Variants in DACH2 observed in about 807,000 individuals in gnomAD.
The protein encoded by DACH2 is dachshund homolog 2.
DACH2 carries 17 observed loss-of-function variants against 35.8 expected under a neutral mutation model. The ratio of observed to expected loss-of-function variants is 0.48; its 90% CI spans 0.33 to 0.71. The LOEUF is 0.71. DACH2 is among the 30% of genes least tolerant of loss of function. DACH2 has a pLI of 0.02. For missense variants in DACH2, 469 were observed against 472.7 expected, an observed-to-expected ratio of 0.99 and a Z score of 0.07; for synonymous variants, 195 against 177.3, an observed-to-expected ratio of 1.10 and a Z score of -0.79.
chrX:86,310,347 G>A (rs189675115), intron 1 of DACH2, among the ~76,000 whole-genome samples: 1 of 111,616 alleles, frequency 9.0e-6, no homozygotes. Flanking sequence ...AAATGCCCAT[G>A]GTCTTTTCAC....
chrX:86,423,444 G>A (rs1354565128), intron 2 of DACH2, among the ~76,000 whole-genome samples: 2 of 110,545 alleles, frequency 1.8e-5, no homozygotes, highest in African/African-American at 3.3e-5. Flanking sequence ...CTTTTCATAT[G>A]CCTGTTTGCC....
chrX:86,488,260 G>C (rs1317658571), intron 2 of DACH2, among the ~76,000 whole-genome samples: 1 of 111,478 alleles, frequency 9.0e-6, no homozygotes, highest in Non-Finnish European at 1.9e-5. Context: ...CAGTAAATGT[G>C]GGTTGCAATC....
intron 3 of DACH2, among the ~76,000 whole-genome samples, chrX:86,515,481 T>C (rs991322542): frequency 9.0e-6 from 1 of 110,612 alleles, no homozygotes; most frequent in African/African-American, 3.3e-5. Context: ...AGCAGTTAAG[T>C]TGAAGAGACT....
At chrX:86,695,860 A>AG (rs2041063310) in intron 5 of DACH2, among the ~76,000 whole-genome samples, 1 of 110,943 alleles carries the variant, frequency 9.0e-6, no homozygotes, top group Non-Finnish European at 1.9e-5. Flanking sequence ...GAAGTCACCT[A>AG]ACCTTTCCAA....
intron 1 of DACH2, among the ~76,000 whole-genome samples, chrX:86,293,275 G>T (rs1408708565): frequency 9.1e-6 from 1 of 109,645 alleles, no homozygotes; most frequent in African/African-American, 3.3e-5. Flanking sequence ...TTTTCCATTT[G>T]CTTGGTAGAT....
intron 1 of DACH2, among the ~76,000 whole-genome samples, chrX:86,235,163 T>C (rs1197319779): frequency 8.9e-6 from 1 of 111,926 alleles, no homozygotes; most frequent in Non-Finnish European, 1.9e-5. Context: ...GATGTTTTTC[T>C]GATGATAAGC....
intron 6 of DACH2, among the ~76,000 whole-genome samples, chrX:86,727,418 A>G (rs746620122): frequency 4.5e-5 from 5 of 112,069 alleles, no homozygotes; most frequent in Non-Finnish European, 9.4e-5. Context: ...AATTATTTTG[A>G]TATGTTTAAA....
chrX:86,824,865 C>G (rs1313907467), intron 11 of DACH2, among the ~76,000 whole-genome samples: 1 of 111,900 alleles, frequency 8.9e-6, no homozygotes, highest in African/African-American at 3.2e-5. Flanking sequence ...TTTCAACCTT[C>G]TATGGGAAAT....
At chrX:86,409,837 A>G (rs2036582490) in intron 2 of DACH2, among the ~76,000 whole-genome samples, 2 of 112,456 alleles carry the variant, frequency 1.8e-5, no homozygotes, top group Non-Finnish European at 3.8e-5. Flanking sequence ...AGCCCATTTC[A>G]AATTGTTAAA....
intron 2 of DACH2, among the ~76,000 whole-genome samples, chrX:86,507,101 T>C (rs920047671): frequency 3.6e-5 from 4 of 112,015 alleles, no homozygotes; most frequent in Non-Finnish European, 7.5e-5. Context: ...ATTGATTGAA[T>C]GTGTGTGCTT....
intron 7 of DACH2, among the ~76,000 whole-genome samples, chrX:86,778,791 A>G (rs1436479573): frequency 9.0e-6 from 1 of 110,615 alleles, no homozygotes; most frequent in Non-Finnish European, 1.9e-5. Context: ...TTGTTTTTTT[A>G]GTAGAGACGG....
intron 1 of DACH2, among the ~76,000 whole-genome samples, chrX:86,295,784 A>G (rs929945543): frequency 2.7e-5 from 3 of 110,988 alleles, no homozygotes; most frequent in Non-Finnish European, 5.7e-5. Context: ...GCTTCAAAAG[A>G]CAGAGGAGCC....
intron 1 of DACH2, among the ~76,000 whole-genome samples, chrX:86,284,849 T>C (rs943839460): frequency 9.0e-6 from 1 of 111,227 alleles, no homozygotes; most frequent in African/African-American, 3.3e-5. Context: ...GTTTTGAACT[T>C]CTTCATGATT....
chrX:86,530,425 G>A (rs987266782), intron 3 of DACH2, among the ~76,000 whole-genome samples: 8 of 111,287 alleles, frequency 7.2e-5, no homozygotes, highest in African/African-American at 2.3e-4. Context: ...TTTCTCCTTC[G>A]ATGTTCTCAT....
At chrX:86,513,797 G>A (rs1464279605) in intron 2 of DACH2, among the ~76,000 whole-genome samples, 1 of 111,869 alleles carries the variant, frequency 8.9e-6, no homozygotes, top group Non-Finnish European at 1.9e-5. Flanking sequence ...GCTCCCAGCA[G>A]CTGTGGAAAT....
chrX:86,648,523 A>T (rs192157739), intron 3 of DACH2, among the ~76,000 whole-genome samples: 290 of 111,374 alleles, frequency 2.6e-3, no homozygotes, highest in Middle Eastern at 0.023. Context: ...TGAAAAATTC[A>T]TATGAACCAA....
intron 2 of DACH2, among the ~76,000 whole-genome samples, chrX:86,501,875 G>A (rs900327769): frequency 1.8e-5 from 2 of 111,342 alleles, no homozygotes; most frequent in Admixed American, 9.6e-5. Context: ...CAGTTAGAGC[G>A]GGGTTAATGA....
chrX:86,169,835 A>G (rs2031064155), intron 1 of DACH2, among the ~76,000 whole-genome samples: 2 of 110,932 alleles, frequency 1.8e-5, no homozygotes, highest in South Asian at 7.7e-4. Context: ...TTTCTCCACA[A>G]TTGGTCCATG....
At chrX:86,270,301 A>C (rs1479637648) in intron 1 of DACH2, among the ~76,000 whole-genome samples, 1 of 110,620 alleles carries the variant, frequency 9.0e-6, no homozygotes, top group Non-Finnish European at 1.9e-5. Context: ...TTTGAATGCT[A>C]ATGCCTTTGT....
Sources: gnomAD v4.1 joint callset for allele counts (sites outside exome capture counted in the v4.1 genomes callset) on GRCh38, gnomAD v4.1.1 for gene constraint, MANE v1.5 for transcripts, NCBI Gene and HGNC (gene_info 2026-07-23, HGNC 2026-07-21) for gene names.